The following MYH14 variants were observed in gnomAD, a reference collection of about 807,000 sequenced individuals.
The protein encoded by MYH14 is myosin-14.
A neutral mutation model predicts 255.5 loss-of-function variants in MYH14; 123 were observed. The observed-to-expected ratio is 0.48, with a 90% confidence interval of 0.42 to 0.56. The LOEUF (loss-of-function observed/expected upper bound fraction) is 0.56. MYH14 is among the 20% of genes least tolerant of loss of function. MYH14 has a pLI of 0.00. For synonymous variants in MYH14, 1,095 were observed against 1,161.2 expected (o/e 0.94, Z 1.16); for missense variants, 2,423 against 2,802.3 (o/e 0.86, Z 3.06).
At chr19:50,236,614 A>G (rs952979556) in intron 10 of MYH14, among the ~76,000 whole-genome samples, 1 of 150,440 alleles carries the variant, frequency 6.6e-6, no homozygotes, top group African/African-American at 2.4e-5. Flanking sequence ...AGGTTGAGGC[A>G]GGAGAATCGC....
At chr19:50,268,103 G>T (rs2035155726) in intron 23 of MYH14, 58 bp from the exon 24 acceptor site, 7 of 1,514,408 alleles carry the variant, frequency 4.6e-6, no homozygotes, top group Non-Finnish European at 6.2e-6. Flanking sequence ...TAGGCACCCA[G>T]TGCAGGTTGC....
rs2033326349 is a variant in MYH14, at chr19:50,230,581, A to G, written c.931A>G (p.Ile311Val). The G allele has an allele frequency of 1.3e-6, 2 of 1,571,086 alleles. No homozygotes were observed. Among genetic ancestry groups the G allele is most frequent in the Non-Finnish European group, 1.7e-6 (2 of 1,158,588 alleles). The change falls in exon 9 of 43, where the codon ATC becomes GTC. Residue 311 changes from isoleucine to valine, a missense_variant. Coordinates refer to ENST00000642316, the MANE Select transcript of MYH14 (RefSeq NM_001145809.2). This position sits in a 1 kb window ranked among gnomAD's most constrained non-coding sequence, Gnocchi z 4.7. ...GGCCAAGGACGAGTGCAGCTTCCAC[A>G]TCTTCTACCAGCTGCTGGGGGGCGC... ...RQAKDECSFHIFYQLLGGAGE... is the reference protein window; with the variant it reads ...RQAKDECSFHVFYQLLGGAGE...
chr19:50,279,978 A>G, intron 30 of MYH14, 59 bp from the exon 31 acceptor site: 1 of 1,232,720 alleles, frequency 8.1e-7, no homozygotes, highest in Non-Finnish European at 1.2e-6. Context: ...GTTGAGGCAG[A>G]TGGGGTCACT....
chr19:50,308,143 A>C (rs906504412), intron 41 of MYH14, among the ~76,000 whole-genome samples: 1 of 152,246 alleles, frequency 6.6e-6, no homozygotes, highest in African/African-American at 2.4e-5. Context: ...CTCTTTGAGA[A>C]GGTGACATTT....
At chr19:50,306,152 C>A (rs1472978197) in intron 40 of MYH14, among the ~76,000 whole-genome samples, 3 of 152,282 alleles carry the variant, frequency 2.0e-5, no homozygotes, top group Non-Finnish European at 2.9e-5. Context: ...GTGGCACATG[C>A]CTGTAATCCC....
chr19:50,235,964 A>G (rs1171947992), intron 10 of MYH14, among the ~76,000 whole-genome samples: 4 of 152,010 alleles, frequency 2.6e-5, no homozygotes, highest in African/African-American at 4.8e-5. Context: ...TAAATAAACT[A>G]TGATTCTTTC....
At position 50,309,674 on chromosome 19, in the gene MYH14, C is replaced by T. The variant is rs1375906074; in HGVS notation, c.5995C>T (p.Arg1999Cys). ...GPLTFTTRTVRQVFRLEEGVA... is the reference protein window; with the variant it reads ...GPLTFTTRTVCQVFRLEEGVA... The stretch of plus-strand genomic sequence containing the variant: ...CCTCACCTTCACCACCCGCACGGTG[C>T]GCCAGGTCTTCCGACTAGAGGAGGG... Residue 1999 changes from arginine (R) to cysteine (C), a missense_variant, in exon 43 of 43, where the codon CGC becomes TGC. Physicochemically the swap from Arg to Cys is radical, Grantham distance 180. Around this residue, in one of 3 missense-constraint regions of MYH14, gnomAD observed 1,513 missense variants for 1,674.8 expected, o/e 0.90. Transcript: ENST00000642316. The T allele has an allele frequency of 3.7e-6, 6 of 1,610,600 alleles. No homozygotes were observed. Among genetic ancestry groups the T allele is most frequent in the Middle Eastern group, 1.7e-4 (1 of 6,058 alleles).
rs755736008 is a variant in MYH14 at position 50,231,981 on chromosome 19, C to T, written c.1025C>T (p.Pro342Leu). The change falls in exon 10 of 43, where the codon CCG (proline) becomes CTG (leucine). Residue 342 changes from proline (P) to leucine (L), a missense_variant. Pro to Leu is a moderately conservative substitution (Grantham distance 98). Coordinates refer to ENST00000642316, the MANE Select transcript of MYH14 (RefSeq NM_001145809.2). ...CACTACCGGTTCCTGACCAACGGGCCGTCATCCTCTCCCGGCCAGGAGCGG... is the reference window on the plus strand; with the variant it reads ...CACTACCGGTTCCTGACCAACGGGCTGTCATCCTCTCCCGGCCAGGAGCGG... ...CSHYRFLTNG[P>L]SSSPGQEREL... 1.8e-5 allele frequency: 29 copies of T among 1,613,826 alleles called. No homozygotes were observed. Among genetic ancestry groups the T allele is most frequent in the South Asian group, 2.2e-5 (2 of 91,092 alleles).
intron 10 of MYH14, among the ~76,000 whole-genome samples, chr19:50,243,243 C>T (rs1321912548): frequency 6.6e-6 from 1 of 152,132 alleles, no homozygotes; most frequent in African/African-American, 2.4e-5. Flanking sequence ...CAAGACCAGC[C>T]TGGCCAACAT....
chr19:50,235,782 C>T (rs1485170968), intron 10 of MYH14, among the ~76,000 whole-genome samples: 1 of 151,866 alleles, frequency 6.6e-6, no homozygotes, highest in Non-Finnish European at 1.5e-5. Flanking sequence ...GACCCCATCT[C>T]AAAACACCCC....
intron 1 of MYH14, chr19:50,205,659 G>C (rs772128055): frequency 6.6e-6 from 1 of 152,620 alleles, no homozygotes; most frequent in African/African-American, 2.4e-5. Flanking sequence ...AGGGGCCTTG[G>C]GGGCCGGCTG....
Position 50,231,062 on chromosome 19 carries a change from G to A in MYH14, c.973+439G>A, listed in dbSNP as rs76811837. The A allele has an allele frequency of 3.1e-5, 6 of 192,392 alleles. No individual in the cohort carries two copies. In the East Asian group the frequency reaches 7.3e-4, roughly 23 times the overall value. 11.9% of individuals were successfully genotyped at this position (192,392 alleles called of 1,614,324 possible). ...CCCTCTGCTCTGGCTCCTAGGCCACGGCTCTTGCCGGAGTCCTCCTGTCCC... is the reference window on the plus strand; with the variant it reads ...CCCTCTGCTCTGGCTCCTAGGCCACAGCTCTTGCCGGAGTCCTCCTGTCCC... On this transcript the variant is annotated intron_variant, in intron 9 of 42. Transcript: ENST00000642316.
At position 50,280,420 on chromosome 19, in the gene MYH14, G is replaced by GC. The variant is rs2035677569; in HGVS notation, c.4290+43dup. The GC allele has an allele frequency of 1.0e-5, 15 of 1,488,026 alleles. No individual in the cohort carries two copies. The highest frequency in any genetic ancestry group is 2.7e-5 in the South Asian group (2 of 74,870). The allele number at this position is 1,488,026 out of a possible 1,614,324, so 92.2% of individuals were successfully genotyped here. A position where few individuals can be genotyped will look rare whatever the true frequency, so the allele number is the denominator to read the frequency against. ...TACGTAAGACCTTCAGGGAGGCACA[G>GC]CCCCCCTCACTGCTCCTCCTGGGTT... On this transcript the variant is annotated intron_variant, in intron 32 of 42. Coordinates refer to ENST00000642316, the MANE Select transcript of MYH14 (RefSeq NM_001145809.2). This position sits in a 1 kb window ranked among gnomAD's most constrained non-coding sequence, Gnocchi z 4.8.
chr19:50,278,989 CAAT>C (rs370434960), intron 30 of MYH14, among the ~76,000 whole-genome samples: 2 of 151,624 alleles, frequency 1.3e-5, no homozygotes, highest in East Asian at 1.9e-4. Context: ...ACTCCATCTC[CAAT>C]AATAATAATA....
rs753764490 is a variant in MYH14 at position 50,244,273 on chromosome 19, G to C, written c.1146G>C (p.Gln382His). ...SMLRMVSAVL[Q>H]FGNIALKRER... Reference sequence around the variant, plus strand: ...TGCGGATGGTCTCAGCAGTTCTCCAGTTTGGCAACATTGCCTTGAAGAGAG... The same window carrying C: ...TGCGGATGGTCTCAGCAGTTCTCCACTTTGGCAACATTGCCTTGAAGAGAG... Residue 382 changes from glutamine (Q) to histidine (H), a missense_variant, in exon 11 of 43, where the codon CAG becomes CAC. Gln to His is a conservative substitution (Grantham distance 24). Transcript: ENST00000642316. 1.2e-6 allele frequency: 2 copies of C among 1,613,926 alleles called. No homozygotes were observed. The highest frequency in any genetic ancestry group is 2.2e-5 in the South Asian group (2 of 91,074).
At chr19:50,308,629 G>C (rs1027581596) in intron 41 of MYH14, 2 of 219,084 alleles carry the variant, frequency 9.1e-6, no homozygotes, top group African/African-American at 2.3e-5. Flanking sequence ...CTGGACAGTG[G>C]GTTTATGGGA....
chr19:50,236,679 G>A (rs2033673648), intron 10 of MYH14, among the ~76,000 whole-genome samples: 2 of 152,022 alleles, frequency 1.3e-5, no homozygotes, highest in Non-Finnish European at 2.9e-5. Flanking sequence ...CTGCACTCCA[G>A]CCTGGGTGTC....
chr19:50,263,307 C>T lies in MYH14; in HGVS notation c.2586-5C>T. 1 of 1,542,904 alleles carries T rather than the reference C, an allele frequency of 6.5e-7. No individual in the cohort carries two copies. Among genetic ancestry groups the T allele is most frequent in the Non-Finnish European group, 8.8e-7 (1 of 1,141,598 alleles). On this transcript the variant is annotated splice_polypyrimidine_tract_variant and splice_region_variant and intron_variant, in intron 21 of 42. Coordinates refer to ENST00000642316, the MANE Select transcript of MYH14 (RefSeq NM_001145809.2). ...ACTCTGCCCCTCACCCATTTCCCCACCCAGGGCCTTCCAGAAGCGCCAGCA... is the reference window on the plus strand; with the variant it reads ...ACTCTGCCCCTCACCCATTTCCCCATCCAGGGCCTTCCAGAAGCGCCAGCA...
intron 6 of MYH14, chr19:50,224,702 C>A: frequency 2.3e-6 from 1 of 429,840 alleles, no homozygotes; most frequent in Non-Finnish European, 4.7e-6. Flanking sequence ...AGTAGAGTTC[C>A]TGCCAAGGAG....
Sources: gnomAD v4.1 joint callset for allele counts (sites outside exome capture counted in the v4.1 genomes callset) on GRCh38, gnomAD v4.1.1 for gene constraint, gnomAD v4.1.1 regional missense constraint, Gnocchi (gnomAD v3.1) non-coding constraint, MANE v1.5 for transcripts, NCBI Gene and HGNC (gene_info 2026-07-23, HGNC 2026-07-21) for gene names.